Variants in MEIS1 observed in about 807,000 individuals in gnomAD.
MEIS1 encodes the protein homeobox protein Meis1.
MEIS1 carries 5 observed loss-of-function variants against 50.8 expected under a neutral mutation model. The ratio of observed to expected loss-of-function variants is 0.10; its 90% CI spans 0.05 to 0.21. The LOEUF (loss-of-function observed/expected upper bound fraction) is 0.21. Ranked by LOEUF, MEIS1 falls within the 10% of genes least tolerant of loss-of-function variation. MEIS1 has a pLI of 1.00. For missense variants in MEIS1, 318 were observed against 517.3 expected, an observed-to-expected ratio of 0.61 and a Z score of 3.74; for synonymous variants, 176 against 179.3, an observed-to-expected ratio of 0.98 and a Z score of 0.15.
chr2:66,554,725 T>C (rs1361317266), intron 9 of MEIS1, among the ~76,000 whole-genome samples: 1 of 152,162 alleles, frequency 6.6e-6, no homozygotes, highest in Non-Finnish European at 1.5e-5. Context: ...AGAAGTAAAG[T>C]GTGCGCTCTG....
intron 6 of MEIS1, among the ~76,000 whole-genome samples, chr2:66,453,265 C>T (rs1672315166): frequency 6.6e-6 from 1 of 151,866 alleles, no homozygotes; most frequent in Admixed American, 6.6e-5. Context: ...GGTATACTTT[C>T]AATAATCCAA....
chr2:66,540,988 C>T (rs550857892), intron 8 of MEIS1, among the ~76,000 whole-genome samples: 16 of 151,826 alleles, frequency 1.1e-4, no homozygotes, highest in Middle Eastern at 3.2e-3. Flanking sequence ...ATTAAAAGAT[C>T]AGATAAGTGA....
chr2:66,522,794 A>G (rs927215394), intron 8 of MEIS1, among the ~76,000 whole-genome samples: 1 of 152,208 alleles, frequency 6.6e-6, no homozygotes, highest in African/African-American at 2.4e-5. Context: ...AAGTCGGCTC[A>G]AAGCTTCTTC....
chr2:66,540,211 A>G (rs533270519), intron 8 of MEIS1, among the ~76,000 whole-genome samples: 1 of 152,328 alleles, frequency 6.6e-6, no homozygotes, highest in African/African-American at 2.4e-5. Flanking sequence ...CTGACAAATA[A>G]TGAGTTTGAA....
chr2:66,493,003 C>G (rs537981653), intron 7 of MEIS1, among the ~76,000 whole-genome samples: 44 of 152,284 alleles, frequency 2.9e-4, no homozygotes, highest in African/African-American at 1.0e-3. Flanking sequence ...GCTGATACCC[C>G]ACTCAGGTGG....
chr2:66,491,174 A>G (rs1173622212), intron 7 of MEIS1, among the ~76,000 whole-genome samples: 4 of 152,244 alleles, frequency 2.6e-5, no homozygotes, highest in African/African-American at 4.8e-5. Context: ...TCTTGATGCA[A>G]TAATAGTCCC....
chr2:66,500,686 A>C (rs554255501), intron 7 of MEIS1, among the ~76,000 whole-genome samples: 2 of 152,232 alleles, frequency 1.3e-5, no homozygotes, highest in Admixed American at 6.5e-5. Flanking sequence ...CAGCCTCCAA[A>C]AGTGCTGGGA....
intron 7 of MEIS1, among the ~76,000 whole-genome samples, chr2:66,465,542 A>G (rs1672613518): frequency 6.6e-6 from 1 of 152,334 alleles, no homozygotes. Flanking sequence ...CCCTACTTTC[A>G]TAACTCTACT....
chr2:66,566,663 A>G (rs1675355455), intron 9 of MEIS1, among the ~76,000 whole-genome samples: 1 of 152,168 alleles, frequency 6.6e-6, no homozygotes, highest in Non-Finnish European at 1.5e-5. Context: ...TAATTGTACA[A>G]AACTATCTTA....
At chr2:66,485,057 A>T (rs528352022) in intron 7 of MEIS1, among the ~76,000 whole-genome samples, 190 of 152,012 alleles carry the variant, frequency 1.2e-3, no homozygotes, top group African/African-American at 4.5e-3. Context: ...GTTGTTGTTT[A>T]ACCATTTTTT....
At chr2:66,474,572 GA>G (rs780500428) in intron 7 of MEIS1, among the ~76,000 whole-genome samples, 79 of 148,832 alleles carry the variant, frequency 5.3e-4, no homozygotes, top group African/African-American at 1.7e-3. Flanking sequence ...TTTTCCTCAG[GA>G]AAAAAAAAAT....
At chr2:66,562,378 A>G (rs961277888) in intron 9 of MEIS1, among the ~76,000 whole-genome samples, 2 of 151,650 alleles carry the variant, frequency 1.3e-5, no homozygotes, top group African/African-American at 4.8e-5. Flanking sequence ...AAGGAGATAG[A>G]TGAAATTAGT....
At chr2:66,480,355 C>T (rs1413119230) in intron 7 of MEIS1, among the ~76,000 whole-genome samples, 3 of 152,156 alleles carry the variant, frequency 2.0e-5, no homozygotes, top group Non-Finnish European at 4.4e-5. Context: ...AATGAAACCT[C>T]TGGGATACTA....
chr2:66,441,358 C>T, intron 4 of MEIS1, 56 bp from the exon 5 acceptor site: 1 of 1,483,012 alleles, frequency 6.7e-7, no homozygotes, highest in South Asian at 1.3e-5. Context: ...AGAGCTGTGG[C>T]AGCCAGTTTT....
chr2:66,466,700 T>C (rs1041348106), intron 7 of MEIS1, among the ~76,000 whole-genome samples: 4 of 152,232 alleles, frequency 2.6e-5, no homozygotes, highest in Non-Finnish European at 1.5e-5. Context: ...TTTGAGTCCA[T>C]TTTAGTCAAC....
intron 5 of MEIS1, 93 bp downstream of exon 5, chr2:66,441,557 TA>T: frequency 1.0e-6 from 1 of 988,902 alleles, no homozygotes; most frequent in Non-Finnish European, 1.5e-6. Context: ...AGCCTTCTGA[TA>T]CATTTGCATA....
chr2:66,446,214 T>C (rs914566408), intron 6 of MEIS1, among the ~76,000 whole-genome samples: 6 of 152,172 alleles, frequency 3.9e-5, no homozygotes, highest in Non-Finnish European at 7.4e-5. Context: ...GCGCGTGTTC[T>C]AGGGGCCCTT....
intron 8 of MEIS1, among the ~76,000 whole-genome samples, chr2:66,515,440 C>T (rs1469187244): frequency 6.6e-6 from 1 of 152,082 alleles, no homozygotes; most frequent in African/African-American, 2.4e-5. Context: ...TGAATTTGTA[C>T]CCCAGCTACA....
intron 7 of MEIS1, among the ~76,000 whole-genome samples, chr2:66,484,561 T>G (rs909418766): frequency 1.3e-5 from 2 of 151,988 alleles, no homozygotes; most frequent in African/African-American, 4.8e-5. Context: ...TTTCTTTTAT[T>G]TATTTATTTT....
Sources: allele counts gnomAD v4.1 joint callset (sites outside exome capture counted in the v4.1 genomes callset), GRCh38; gene constraint gnomAD v4.1.1; transcripts MANE v1.5; gene names NCBI Gene and HGNC (gene_info 2026-07-23, HGNC 2026-07-21).